Variants in CATSPERB observed in about 807,000 individuals in gnomAD.
The protein encoded by CATSPERB is catsper channel auxiliary subunit beta.
Under a neutral mutation model 128.3 loss-of-function variants are expected in CATSPERB, and 93 were observed. That is an observed-to-expected ratio of 0.72 (90% CI 0.61 to 0.86). CATSPERB has a LOEUF of 0.86. Among genes scored for constraint, CATSPERB ranks in the 40% least tolerant of loss-of-function variants. The probability of loss-of-function intolerance (pLI) is 0.00; values close to 1 mark genes in which losing one functional copy is unlikely to be tolerated. For missense variants in CATSPERB, 1,153 were observed against 1,329.5 expected (o/e 0.87, Z 2.06); for synonymous variants, 381 against 448.8 (o/e 0.85, Z 1.91).
chr14:91,731,285 T>C (rs1896205443), intron 1 of CATSPERB, among the ~76,000 whole-genome samples: 1 of 152,210 alleles, frequency 6.6e-6, no homozygotes, highest in South Asian at 2.1e-4. Flanking sequence ...TACCTACTGG[T>C]TTCTTTAATT....
intron 5 of CATSPERB, among the ~76,000 whole-genome samples, chr14:91,713,566 A>G (rs1895879626): frequency 6.6e-6 from 1 of 152,220 alleles, no homozygotes; most frequent in South Asian, 2.1e-4. Flanking sequence ...AGATTCAACA[A>G]CTTAGATGAA....
chr14:91,659,860 C>T lies in CATSPERB; in HGVS notation c.1409G>A (p.Gly470Glu). 6.2e-7 allele frequency: 1 copy of T among 1,606,482 alleles called. No homozygotes were observed. The highest frequency in any genetic ancestry group is 8.5e-7 in the Non-Finnish European group (1 of 1,178,150). The change falls in exon 15 of 27, where the codon GGA becomes GAA. Residue 470 changes from glycine (G) to glutamate (E), a missense_variant. By Grantham distance (98) the Gly-to-Glu change is moderately conservative. Coordinates refer to ENST00000256343, the MANE Select transcript of CATSPERB (RefSeq NM_024764.4). ...TSAITFVSQR[G>E]KVYSTKAGMG... Reference sequence around the variant, plus strand: ...ACCTGCCTTTGTCGAGTAAACCTTTCCACGTTGAGAAACAAAAGTAATAGC... The same window carrying T: ...ACCTGCCTTTGTCGAGTAAACCTTTTCACGTTGAGAAACAAAAGTAATAGC...
intron 15 of CATSPERB, among the ~76,000 whole-genome samples, chr14:91,647,814 C>T (rs1894632482): frequency 1.3e-5 from 2 of 152,190 alleles, no homozygotes; most frequent in South Asian, 2.1e-4. Context: ...GTTGGGGACA[C>T]AGCCAAACCA....
chr14:91,610,438 G>A lies in CATSPERB; in HGVS notation c.2598+42C>T, dbSNP rs780187769. 1.2e-5 allele frequency: 19 copies of A among 1,530,176 alleles called. No individual in the cohort carries two copies. The Admixed American group carries it at 2.6e-4, about 21-fold the overall frequency. 94.8% of individuals were successfully genotyped at this position (1,530,176 alleles called of 1,614,324 possible). On this transcript the variant is annotated intron_variant, in intron 21 of 26. Coordinates refer to ENST00000256343, the MANE Select transcript of CATSPERB (RefSeq NM_024764.4). ...TAGGCAATCACACAAAAGTCACATA[G>A]CATTGCTTCTTAAACCAATATACTT...
At chr14:91,632,426 C>G (rs911130520) in intron 17 of CATSPERB, among the ~76,000 whole-genome samples, 2 of 151,656 alleles carry the variant, frequency 1.3e-5, no homozygotes, top group African/African-American at 4.8e-5. Context: ...TTAAAAAAAG[C>G]ATAATAAAAA....
At chr14:91,725,485 C>T (rs1896106209) in intron 2 of CATSPERB, among the ~76,000 whole-genome samples, 1 of 152,122 alleles carries the variant, frequency 6.6e-6, no homozygotes, top group Non-Finnish European at 1.5e-5. Context: ...TAAAAGGATC[C>T]AGAATCAGCA....
rs1003383552 is a variant in CATSPERB, at chr14:91,621,663, G to A, written c.2205C>T (p.Tyr735=). 2.5e-6 allele frequency: 4 copies of A among 1,613,202 alleles called. No individual in the cohort carries two copies. In the African/African-American group the frequency reaches 5.3e-5, roughly 22 times the overall value. The change falls in exon 19 of 27, where the codon TAC becomes TAT. Residue 735 remains tyrosine, a synonymous_variant. Coordinates refer to ENST00000256343, the MANE Select transcript of CATSPERB (RefSeq NM_024764.4). ...DDSPSLNIVK[Y]IDLGNSYVLK... ...AAACATAAGAGTTTCCCAGATCAAT[G>A]TATTTCACGATGTTGAGGGATGGTG...
At chr14:91,603,487 T>C (rs1595141784) in intron 22 of CATSPERB, 7 of 1,195,660 alleles carry the variant, frequency 5.9e-6, no homozygotes, top group East Asian at 4.7e-5. Flanking sequence ...AGTCTTAAAG[T>C]GTGGGCAAAA....
chr14:91,729,058 G>A (rs183978863), intron 2 of CATSPERB, among the ~76,000 whole-genome samples: 9 of 152,250 alleles, frequency 5.9e-5, no homozygotes, highest in East Asian at 5.8e-4. Context: ...TCATGCCATC[G>A]GCCAGGTGTG....
chr14:91,672,033 A>G (rs1259593597), intron 13 of CATSPERB, among the ~76,000 whole-genome samples: 1 of 151,422 alleles, frequency 6.6e-6, no homozygotes, highest in Non-Finnish European at 1.5e-5. Context: ...AACAACAACA[A>G]CAACAACAAC....
chr14:91,721,905 C>T (rs12147908), intron 4 of CATSPERB, among the ~76,000 whole-genome samples: 95,959 of 151,216 alleles, frequency 0.63, 30,787 homozygotes, highest in Non-Finnish European at 0.67. Flanking sequence ...TGTGGAGAGA[C>T]GGGAACCCTA....
intron 7 of CATSPERB, among the ~76,000 whole-genome samples, chr14:91,701,910 C>CAAAAAA (rs68037916): frequency 7.2e-6 from 1 of 138,450 alleles, no homozygotes. Flanking sequence ...GACCCTGTCT[C>CAAAAAA]AAAAAAAAAA....
intron 6 of CATSPERB, among the ~76,000 whole-genome samples, chr14:91,705,106 AT>A (rs1377447004): frequency 7.9e-5 from 12 of 152,240 alleles, no homozygotes; most frequent in Non-Finnish European, 1.6e-4. Flanking sequence ...CAGTAGATAT[AT>A]AAAAATGGGA....
At chr14:91,681,539 T>C (rs1411373153) in intron 11 of CATSPERB, among the ~76,000 whole-genome samples, 1 of 152,248 alleles carries the variant, frequency 6.6e-6, no homozygotes, top group Non-Finnish European at 1.5e-5. Flanking sequence ...AGATTGTTTA[T>C]GGGAGACGCT....
At chr14:91,714,104 A>T (rs1475111879) in intron 5 of CATSPERB, among the ~76,000 whole-genome samples, 1 of 152,090 alleles carries the variant, frequency 6.6e-6, no homozygotes, top group Non-Finnish European at 1.5e-5. Flanking sequence ...ATTTGACACC[A>T]ATAATAAAAA....
Position 91,638,558 on chromosome 14 carries a change from C to G in CATSPERB, c.1587+538G>C, listed in dbSNP as rs570988474. Among the ~76,000 whole-genome samples, 4 of 152,238 alleles carry G rather than the reference C, an allele frequency of 2.6e-5. No homozygotes were observed. The East Asian group carries it at 7.7e-4, about 29-fold the overall frequency. ...GCCTCAGCCTCCCAAGAAGCTGGAA[C>G]TACAGATGAATGCCACCACACCAGG... On this transcript the variant is annotated intron_variant, in intron 16 of 26. Transcript: ENST00000256343.
At position 91,610,676 on chromosome 14, in the gene CATSPERB, C is replaced by T; in HGVS notation, c.2402G>A (p.Gly801Asp). ...ISAASKVLHQ[G>D]STSLAFIMWS... ...CATAATAAATGCCAGTGAAGTTGAA[C>T]CCTGGAAATAACCAAATAAATGAAG... The change falls in exon 21 of 27, where the codon GGT becomes GAT. Residue 801 changes from glycine to aspartate, a missense_variant and splice_region_variant. Coordinates refer to ENST00000256343, the MANE Select transcript of CATSPERB (RefSeq NM_024764.4). 1 of 1,613,764 alleles carries T rather than the reference C, an allele frequency of 6.2e-7. No homozygotes were observed. Among genetic ancestry groups the T allele is most frequent in the South Asian group, 1.1e-5 (1 of 91,038 alleles).
In CATSPERB at chr14:91,665,028, C is replaced by A. The variant is rs144856085; in HGVS notation, c.1287+4786G>T. Among the ~76,000 whole-genome samples the A allele has an allele frequency of 9.0e-3, 1,362 of 151,896 alleles. 16 individuals carry two copies. The highest frequency in any genetic ancestry group is 0.044 in the Middle Eastern group (13 of 294). On this transcript the variant is annotated intron_variant, in intron 14 of 26. Transcript: ENST00000256343. ...CCTCAGCTTCCTGAGTAGCTGGGACCACAGGAACGTGCCACCACACCTGGA... is the reference window on the plus strand; with the variant it reads ...CCTCAGCTTCCTGAGTAGCTGGGACAACAGGAACGTGCCACCACACCTGGA...
intron 17 of CATSPERB, among the ~76,000 whole-genome samples, chr14:91,626,973 C>T (rs1743139): frequency 0.74 from 113,050 of 152,096 alleles, 42,546 homozygotes; most frequent in East Asian, 0.97. Context: ...ATTACATGAA[C>T]CAATTTATGA....
Sources: gnomAD v4.1 joint callset for allele counts (sites outside exome capture counted in the v4.1 genomes callset) on GRCh38, gnomAD v4.1.1 for gene constraint, MANE v1.5 for transcripts, NCBI Gene and HGNC (gene_info 2026-07-23, HGNC 2026-07-21) for gene names.